USP39: variants seen among roughly 807,000 people sequenced by gnomAD.
USP39 encodes ubiquitin carboxyl-terminal hydrolase 39.
USP39 carries 38 observed loss-of-function variants against 66.4 expected under a neutral mutation model. The ratio of observed to expected loss-of-function variants is 0.57; its 90% CI spans 0.44 to 0.75. USP39 has a LOEUF of 0.75. Ranked by LOEUF, USP39 falls within the 30% of genes least tolerant of loss-of-function variation. The probability of loss-of-function intolerance (pLI) is 0.00; values close to 1 mark genes in which losing one functional copy is unlikely to be tolerated. For missense variants in USP39, 608 were observed against 714.4 expected (o/e 0.85, Z 1.70); for synonymous variants, 303 against 274.6 (o/e 1.10, Z -1.02).
At chr2:85,630,005 G>A (rs958974426) in intron 5 of USP39, among the ~76,000 whole-genome samples, 2 of 151,886 alleles carry the variant, frequency 1.3e-5, no homozygotes, top group South Asian at 4.2e-4. Flanking sequence ...GGGAACAGGT[G>A]GTTTTTGGTT....
chr2:85,626,863 G>A (rs557513114), intron 5 of USP39, among the ~76,000 whole-genome samples: 4 of 151,790 alleles, frequency 2.6e-5, no homozygotes, highest in Admixed American at 1.3e-4. Context: ...GATTACAGGC[G>A]CCTGCCACTG....
Position 85,647,948 on chromosome 2 carries a change from G to A in USP39, c.1582G>A (p.Glu528Lys), listed in dbSNP as rs1676774778. The A allele has an allele frequency of 6.2e-7, 1 of 1,614,030 alleles. No homozygotes were observed. Reference sequence around the variant, plus strand: ...TCTGCAGGGGACAGGCAAATGGTATGAATTACAAGACCTCCAGGTGACTGA... The same window carrying A: ...TCTGCAGGGGACAGGCAAATGGTATAAATTACAAGACCTCCAGGTGACTGA... The part of the protein sequence containing the change: ...VLHHGTGKWY[E>K]LQDLQVTDIL... Residue 528 changes from glutamate (E) to lysine (K), a missense_variant, in exon 12 of 13, where the codon GAA (glutamate) becomes AAA (lysine). Transcript: ENST00000323701.
chr2:85,629,390 A>T (rs1378489412), intron 5 of USP39, among the ~76,000 whole-genome samples: 2 of 151,912 alleles, frequency 1.3e-5, no homozygotes, highest in African/African-American at 4.8e-5. Context: ...GCTCAGGCTG[A>T]TGAGCCTGTG....
intron 10 of USP39, among the ~76,000 whole-genome samples, chr2:85,643,301 T>C (rs899323761): frequency 1.3e-4 from 19 of 151,876 alleles, no homozygotes; most frequent in African/African-American, 4.1e-4. Flanking sequence ...CCATCCTGGC[T>C]AACACGGTGA....
intron 5 of USP39, among the ~76,000 whole-genome samples, chr2:85,630,052 T>C (rs71411832): frequency 0.1 from 15,936 of 152,104 alleles, 920 homozygotes; most frequent in South Asian, 0.18. Flanking sequence ...TTCTGAGATT[T>C]TGGTCACCCA....
In USP39 at chr2:85,616,347, A is replaced by G. The variant is rs1208305022; in HGVS notation, c.152A>G (p.Lys51Arg). 1.2e-6 allele frequency: 2 copies of G among 1,601,868 alleles called. No individual in the cohort carries two copies. Among genetic ancestry groups the G allele is most frequent in the Non-Finnish European group, 1.7e-6 (2 of 1,174,642 alleles). The change falls in exon 1 of 13, where the codon AAG (lysine) becomes AGG (arginine). Residue 51 changes from lysine (K) to arginine (R), a missense_variant. By Grantham distance (26) the Lys-to-Arg change is conservative. Coordinates refer to ENST00000323701, the MANE Select transcript of USP39 (RefSeq NM_006590.4). ...ASSRGSPVRVKREFEPASARE... is the reference protein window; with the variant it reads ...ASSRGSPVRVRREFEPASARE... ...TCCCGGGGCAGCCCTGTGCGCGTGAAGCGGGAGTTCGAGCCGGCGAGCGCG... is the reference window on the plus strand; with the variant it reads ...TCCCGGGGCAGCCCTGTGCGCGTGAGGCGGGAGTTCGAGCCGGCGAGCGCG...
upstream of USP39, among the ~76,000 whole-genome samples, chr2:85,614,814 T>A (rs931685283): frequency 4.6e-5 from 7 of 152,252 alleles, no homozygotes; most frequent in Non-Finnish European, 8.8e-5. Flanking sequence ...ATTATCTCTC[T>A]GTTCCCTTAA....
Position 85,621,536 on chromosome 2 carries a change from C to T in USP39, c.390C>T (p.His130=), listed in dbSNP as rs1301026037. The stretch of plus-strand genomic sequence containing the variant: ...AACTGTGTTCTATCTCCCTCTCACA[C>T]ATCAATGCTTATGCCTGTCTGGTGT... ...FEKLCSISLS[H]INAYACLVCG... The change falls in exon 3 of 13, where the codon CAC becomes CAT. Residue 130 remains histidine (H), a synonymous_variant. Coordinates refer to ENST00000323701, the MANE Select transcript of USP39 (RefSeq NM_006590.4). 5 of 1,613,924 alleles carry T rather than the reference C, an allele frequency of 3.1e-6. No individual in the cohort carries two copies. The highest frequency in any genetic ancestry group is 4.2e-6 in the Non-Finnish European group (5 of 1,179,960).
chr2:85,623,499 G>A, intron 3 of USP39, 147 bp from the exon 4 acceptor site: 3 of 1,180,514 alleles, frequency 2.5e-6, no homozygotes, highest in Non-Finnish European at 3.5e-6. Flanking sequence ...AGAACTTCAT[G>A]TGGAGGATTC....
Position 85,623,533 on chromosome 2 carries a change from G to A in USP39, c.434-113G>A, listed in dbSNP as rs530162184. The A allele has an allele frequency of 9.8e-5, 137 of 1,392,040 alleles. 1 individual carries two copies. In the South Asian group the frequency reaches 2.1e-3, roughly 21 times the overall value. The allele number at this position is 1,392,040 out of a possible 1,614,324, so 86.2% of individuals were successfully genotyped here. A position where few individuals can be genotyped will look rare whatever the true frequency, so the allele number is the denominator to read the frequency against. On this transcript the variant is annotated intron_variant, in intron 3 of 12. Coordinates refer to ENST00000323701, the MANE Select transcript of USP39 (RefSeq NM_006590.4). Reference sequence around the variant, plus strand: ...TCATTTTATGAATGGCATAATATTTGTTTTTTGCGGATATTAACATGTTCC... The same window carrying A: ...TCATTTTATGAATGGCATAATATTTATTTTTTGCGGATATTAACATGTTCC...
At chr2:85,625,879 A>T (rs775514260) in intron 5 of USP39, among the ~76,000 whole-genome samples, 188 bp downstream of exon 5, 1 of 151,636 alleles carries the variant, frequency 6.6e-6, no homozygotes, top group Admixed American at 6.6e-5. Context: ...TTAGCTAGAT[A>T]TGGTGGTGGA....
chr2:85,606,102 C>T (rs1273270302), intron 1 of USP39, among the ~76,000 whole-genome samples: 2 of 152,198 alleles, frequency 1.3e-5, no homozygotes, highest in Non-Finnish European at 2.9e-5. Flanking sequence ...AAAATACAGG[C>T]TTAAATTCAG....
rs148814877 is a variant in USP39 at position 85,605,649 on chromosome 2, G to A, written n.226+2568G>A. 6.4e-4 allele frequency among the ~76,000 whole-genome samples: 98 copies of A among 152,314 alleles called. 1 individual carries two copies. Among genetic ancestry groups the A allele is most frequent in the South Asian group, 5.4e-3 (26 of 4,828 alleles). ...AAATCTAGTGGTAGGAAAATAATCTGTACTTATTCCTCTTTCTGCACACAA... is the reference window on the plus strand; with the variant it reads ...AAATCTAGTGGTAGGAAAATAATCTATACTTATTCCTCTTTCTGCACACAA... On this transcript the variant is annotated intron_variant and non_coding_transcript_variant, in intron 1 of 12. Transcript: ENST00000459775.
intron 4 of USP39, among the ~76,000 whole-genome samples, chr2:85,624,511 C>T (rs758780047): frequency 1.3e-4 from 20 of 152,170 alleles, no homozygotes; most frequent in Admixed American, 4.6e-4. Context: ...TGCCCAGATA[C>T]ATTTTTAAAA....
intron 11 of USP39, 145 bp downstream of exon 11, chr2:85,645,228 T>A: frequency 8.6e-7 from 1 of 1,158,576 alleles, no homozygotes; most frequent in Non-Finnish European, 1.2e-6. Flanking sequence ...GTAGTTAGTT[T>A]AAGGCAGTGG....
intron 9 of USP39, 161 bp downstream of exon 9, chr2:85,639,552 T>G (rs1423792122): frequency 1.6e-6 from 1 of 645,036 alleles, no homozygotes; most frequent in African/African-American, 1.9e-5. Flanking sequence ...CCTCCCAGTT[T>G]CAAGCGATTC....
chr2:85,616,064 C>T, upstream of USP39: 3 of 1,292,664 alleles, frequency 2.3e-6, no homozygotes, highest in Non-Finnish European at 2.0e-6. Flanking sequence ...AAATTTTCTG[C>T]AGCGTGATTT....
At chr2:85,614,819 C>T (rs1050486522), upstream of USP39, among the ~76,000 whole-genome samples, 2 of 152,134 alleles carry the variant, frequency 1.3e-5, no homozygotes, top group Admixed American at 6.5e-5. Context: ...CTCTCTGTTC[C>T]CTTAACTGTA....
At chr2:85,632,272 A>C (rs1309656271) in intron 6 of USP39, among the ~76,000 whole-genome samples, 2 of 151,996 alleles carry the variant, frequency 1.3e-5, no homozygotes, top group African/African-American at 4.8e-5. Context: ...GTTATGTAGA[A>C]AGGTTGAGTG....
Sources: allele counts gnomAD v4.1 joint callset (sites outside exome capture counted in the v4.1 genomes callset), GRCh38; gene constraint gnomAD v4.1.1; transcripts MANE v1.5; gene names NCBI Gene and HGNC (gene_info 2026-07-23, HGNC 2026-07-21).